Variants in ACOT1 observed in about 807,000 individuals in gnomAD.
ACOT1 encodes acyl-coenzyme A thioesterase 1.
A neutral mutation model predicts 15.7 loss-of-function variants in ACOT1; 8 were observed. That is an observed-to-expected ratio of 0.51 (90% CI 0.30 to 0.92). The LOEUF (loss-of-function observed/expected upper bound fraction) is 0.92. Among genes scored for constraint, ACOT1 ranks in the 40% least tolerant of loss-of-function variants. The pLI is 0.06. For missense variants in ACOT1, 151 were observed against 539.4 expected (o/e 0.28, Z 7.13); for synonymous variants, 67 against 241.2 (o/e 0.28, Z 6.69).
At chr14:73,520,927 A>G in the ACOT1 span, 2 of 1,613,910 alleles carry the variant, frequency 1.2e-6, no homozygotes, top group African/African-American at 2.7e-5. Context: ...ACCTGGCGAA[A>G]GTAGCTCTGG....
the ACOT1 span, among the ~76,000 whole-genome samples, chr14:73,518,512 T>C: frequency 6.6e-6 from 1 of 151,294 alleles, no homozygotes; most frequent in African/African-American, 2.4e-5. Flanking sequence ...GGAAATAGAG[T>C]CTTGTGGAAG....
the ACOT1 span, among the ~76,000 whole-genome samples, chr14:73,525,537 C>T: frequency 4.6e-5 from 7 of 152,158 alleles, no homozygotes; most frequent in African/African-American, 7.2e-5. Flanking sequence ...GATGTTTTCT[C>T]CTGAAACAGT....
At chr14:73,518,034 C>T in the ACOT1 span, among the ~76,000 whole-genome samples, 348 of 151,500 alleles carry the variant, frequency 2.3e-3, 5 homozygotes, top group South Asian at 1.9e-3. Flanking sequence ...TGCAGTGAGC[C>T]GAGATCACGC....
At chr14:73,514,000 G>A in the ACOT1 span, 36 of 1,601,978 alleles carry the variant, frequency 2.2e-5, no homozygotes, top group East Asian at 4.5e-5. Context: ...TCTCACAAAC[G>A]TACAGTATCA....
chr14:73,537,822 T>C lies in ACOT1; in HGVS notation c.401T>C (p.Val134Ala). Reference protein sequence around the residue: ...RHERYFLPPGVRREPVRAGRV... With the variant: ...RHERYFLPPGARREPVRAGRV... Reference sequence around the variant, plus strand: ...GAGCGCTACTTCCTCCCGCCCGGGGTGCGGCGCGAGCCGGTGCGCGCGGGC... The same window carrying C: ...GAGCGCTACTTCCTCCCGCCCGGGGCGCGGCGCGAGCCGGTGCGCGCGGGC... The change falls in exon 1 of 3, where the codon GTG becomes GCG. Residue 134 changes from valine (V) to alanine (A), a missense_variant. Coordinates refer to ENST00000311148, the MANE Select transcript of ACOT1 (RefSeq NM_001037161.2). 1 of 1,208,750 alleles carries C rather than the reference T, an allele frequency of 8.3e-7. No individual in the cohort carries two copies. The highest frequency in any genetic ancestry group is 1.1e-6 in the Non-Finnish European group (1 of 923,110). The allele number at this position is 1,208,750 out of a possible 1,614,324, so 74.9% of individuals were successfully genotyped here. A position where few individuals can be genotyped will look rare whatever the true frequency, so the allele number is the denominator to read the frequency against.
chr14:73,514,870 C>T, the ACOT1 span, among the ~76,000 whole-genome samples: 2 of 151,804 alleles, frequency 1.3e-5, no homozygotes, highest in Non-Finnish European at 2.9e-5. Context: ...AGATCGAGAC[C>T]ATCCTGGCTA....
At chr14:73,493,177 C>T in the ACOT1 span, 6 of 1,475,394 alleles carry the variant, frequency 4.1e-6, no homozygotes, top group Non-Finnish European at 5.7e-6. Context: ...ACCCTTGATC[C>T]GTGATCATTT....
the ACOT1 span, chr14:73,508,084 A>G: frequency 6.4e-7 from 1 of 1,555,576 alleles, no homozygotes; most frequent in Non-Finnish European, 8.9e-7. Flanking sequence ...CTGACCTCAA[A>G]GACCTAATTG....
the ACOT1 span, chr14:73,520,133 A>C: frequency 6.6e-6 from 1 of 152,240 alleles, no homozygotes; most frequent in African/African-American, 2.4e-5. Flanking sequence ...CACTTTGAGA[A>C]GACTTTCAGC....
the ACOT1 span, among the ~76,000 whole-genome samples, chr14:73,525,483 G>A: frequency 2.0e-5 from 3 of 152,138 alleles, no homozygotes; most frequent in Admixed American, 6.5e-5. Flanking sequence ...TGAAGGCAAC[G>A]TCTTCATGAA....
chr14:73,524,293 C>CAAAAA, the ACOT1 span, among the ~76,000 whole-genome samples: 33 of 56,654 alleles, frequency 5.8e-4, no homozygotes, highest in African/African-American at 1.6e-3. Flanking sequence ...AACTCCGTCT[C>CAAAAA]AAAAAAAAAA....
the ACOT1 span, chr14:73,498,069 T>C: frequency 7.7e-7 from 1 of 1,299,986 alleles, no homozygotes; most frequent in Admixed American, 2.1e-5. Flanking sequence ...TTAGGTAGCC[T>C]GGAAAGGCAG....
chr14:73,506,544 C>T, the ACOT1 span: 1 of 1,613,504 alleles, frequency 6.2e-7, no homozygotes, highest in Non-Finnish European at 8.5e-7. Flanking sequence ...CTGTTCAGCT[C>T]CACAGCAAGC....
At chr14:73,519,606 A>G in the ACOT1 span, among the ~76,000 whole-genome samples, 2 of 152,082 alleles carry the variant, frequency 1.3e-5, no homozygotes, top group Non-Finnish European at 2.9e-5. Context: ...TTAGCTGGGT[A>G]CAGCTACTCG....
chr14:73,504,554 T>C, the ACOT1 span, among the ~76,000 whole-genome samples: 4 of 152,192 alleles, frequency 2.6e-5, no homozygotes, highest in African/African-American at 9.6e-5. Flanking sequence ...TTTTTGCATT[T>C]CTAATAATGC....
chr14:73,499,023 G>T, the ACOT1 span: 1 of 1,509,250 alleles, frequency 6.6e-7, no homozygotes, highest in Non-Finnish European at 9.2e-7. Context: ...ACTTGCATAG[G>T]CAAAGGTATT....
chr14:73,516,402 C>T, the ACOT1 span, among the ~76,000 whole-genome samples: 2 of 113,666 alleles, frequency 1.8e-5, no homozygotes, highest in Non-Finnish European at 3.4e-5. Flanking sequence ...ATTTGAAATC[C>T]CTCCTGAAGA....
At chr14:73,517,664 T>TAA in the ACOT1 span, among the ~76,000 whole-genome samples, 1 of 52,904 alleles carries the variant, frequency 1.9e-5, no homozygotes. Flanking sequence ...TGAGACCCTG[T>TAA]CAAAAAAAAA....
chr14:73,496,809 C>A, the ACOT1 span: 1 of 617,922 alleles, frequency 1.6e-6, no homozygotes, highest in Non-Finnish European at 2.9e-6. Flanking sequence ...TTTTGCTGAG[C>A]CTTATATGCA....
Sources: allele counts gnomAD v4.1 joint callset (sites outside exome capture counted in the v4.1 genomes callset), GRCh38; gene constraint gnomAD v4.1.1; transcripts MANE v1.5; gene names NCBI Gene and HGNC (gene_info 2026-07-23, HGNC 2026-07-21).